The following CDH18 variants were observed in gnomAD, a reference collection of about 807,000 sequenced individuals.
The protein encoded by CDH18 is cadherin-18.
In CDH18, 31 loss-of-function variants were observed where a neutral mutation model predicts 67.9. That is an observed-to-expected ratio of 0.46 (90% CI 0.34 to 0.62). CDH18 has a LOEUF of 0.62. Among genes scored for constraint, CDH18 ranks in the 20% least tolerant of loss-of-function variants. The pLI, the probability that CDH18 is intolerant of heterozygous loss-of-function variation, is 0.01. For synonymous variants in CDH18, 362 were observed against 347.2 expected (o/e 1.04, Z -0.48); for missense variants, 890 against 975.5 (o/e 0.91, Z 1.17).
chr5:20,255,663 T>G (rs1214733247), intron 1 of CDH18, among the ~76,000 whole-genome samples: 2 of 148,398 alleles, frequency 1.3e-5, no homozygotes, highest in Non-Finnish European at 3.0e-5. Flanking sequence ...GAACTGCGAG[T>G]TTTTTTTTTC....
chr5:19,903,687 G>A lies in CDH18; in HGVS notation c.-256-64445C>T, dbSNP rs571074128. 8.8e-5 allele frequency among the ~76,000 whole-genome samples: 12 copies of A among 136,266 alleles called. No individual in the cohort carries two copies. In the South Asian group the frequency reaches 2.7e-3, roughly 31 times the overall value. 89.4% of individuals were successfully genotyped at this position (136,266 alleles called of 152,430 possible). A position where few individuals can be genotyped will look rare whatever the true frequency, so the allele number is the denominator to read the frequency against. On this transcript the variant is annotated intron_variant, in intron 2 of 12. Coordinates refer to ENST00000382275, the MANE Select transcript of CDH18 (RefSeq NM_004934.5). ...TCCTCTGAGCAGCACTTTGCAGCATGTGGATAACACTCAATCGAGCACCTG... is the reference window on the plus strand; with the variant it reads ...TCCTCTGAGCAGCACTTTGCAGCATATGGATAACACTCAATCGAGCACCTG...
At chr5:20,438,742 G>A (rs902085163) in intron 1 of CDH18, among the ~76,000 whole-genome samples, 2 of 151,354 alleles carry the variant, frequency 1.3e-5, no homozygotes, top group African/African-American at 4.9e-5. Flanking sequence ...TATTGCTCTA[G>A]ATTGATTATC....
chr5:20,076,597 T>C (rs1371694548), intron 2 of CDH18, among the ~76,000 whole-genome samples: 2 of 151,832 alleles, frequency 1.3e-5, no homozygotes, highest in African/African-American at 4.8e-5. Context: ...AAATATTGTA[T>C]ATTGTGATTA....
intron 2 of CDH18, among the ~76,000 whole-genome samples, chr5:20,163,098 G>C (rs1288681265): frequency 6.6e-6 from 1 of 151,632 alleles, no homozygotes; most frequent in Non-Finnish European, 1.5e-5. Context: ...GAATTTATCT[G>C]TAGAGCCTTT....
chr5:19,529,988 ATT>A (rs1383917630), intron 9 of CDH18, among the ~76,000 whole-genome samples: 2 of 152,150 alleles, frequency 1.3e-5, no homozygotes, highest in Non-Finnish European at 2.9e-5. Flanking sequence ...AACCCAAACA[ATT>A]TCAAAAAGGA....
At chr5:20,474,647 A>G (rs55783220) in intron 1 of CDH18, among the ~76,000 whole-genome samples, 8,361 of 152,288 alleles carry the variant, frequency 0.055, 758 homozygotes, top group African/African-American at 0.19. Context: ...CTAAAAAGAA[A>G]TAGTGATTGA....
chr5:19,921,659 TA>T (rs1450895929), intron 2 of CDH18, among the ~76,000 whole-genome samples: 2 of 151,988 alleles, frequency 1.3e-5, no homozygotes, highest in Admixed American at 6.5e-5. Flanking sequence ...AATCTCAATA[TA>T]AAAATGAGAC....
intron 2 of CDH18, among the ~76,000 whole-genome samples, chr5:20,060,688 GAAATT>G (rs1742392154): frequency 6.6e-6 from 1 of 151,986 alleles, no homozygotes; most frequent in South Asian, 2.1e-4. Flanking sequence ...TGTTATATTT[GAAATT>G]AAATTGTCCT....
At position 19,725,134 on chromosome 5, in the gene CDH18, G is replaced by A. The variant is rs1180872753; in HGVS notation, c.524-3668C>T. Among the ~76,000 whole-genome samples, 3 of 151,966 alleles carry A rather than the reference G, an allele frequency of 2.0e-5. No homozygotes were observed. In the East Asian group the frequency reaches 5.9e-4, roughly 30 times the overall value. ...GTAGAGACAGGGTTTCACCATGTTA[G>A]CCAGGATAGTCTCGATCTCCTGACC... On this transcript the variant is annotated intron_variant, in intron 4 of 12. Transcript: ENST00000382275.
intron 1 of CDH18, among the ~76,000 whole-genome samples, chr5:20,352,509 G>A (rs1024373175): frequency 1.3e-5 from 2 of 151,676 alleles, no homozygotes; most frequent in African/African-American, 4.8e-5. Context: ...GACAGACACG[G>A]GTGGCTCACG....
intron 2 of CDH18, among the ~76,000 whole-genome samples, chr5:20,060,533 A>G (rs1310565768): frequency 1.3e-5 from 2 of 152,210 alleles, no homozygotes; most frequent in Non-Finnish European, 2.9e-5. Flanking sequence ...GTTTAGTTAC[A>G]CAAATCTACT....
intron 10 of CDH18, among the ~76,000 whole-genome samples, chr5:19,516,888 G>A (rs1432332398): frequency 6.6e-6 from 1 of 151,846 alleles, no homozygotes; most frequent in Non-Finnish European, 1.5e-5. Flanking sequence ...CCTATTGAAG[G>A]ATGTCTTTGT....
At chr5:19,535,135 A>G (rs1424850484) in intron 9 of CDH18, among the ~76,000 whole-genome samples, 1 of 152,166 alleles carries the variant, frequency 6.6e-6, no homozygotes, top group Non-Finnish European at 1.5e-5. Context: ...AGCCAAAGAA[A>G]CTGGGTAACA....
chr5:19,756,854 A>G (rs1469117365), intron 3 of CDH18, among the ~76,000 whole-genome samples: 2 of 152,194 alleles, frequency 1.3e-5, no homozygotes, highest in African/African-American at 2.4e-5. Flanking sequence ...GTGTGTTGCC[A>G]CTTATGCTTC....
intron 5 of CDH18, among the ~76,000 whole-genome samples, chr5:19,677,911 A>T (rs1346109625): frequency 1.3e-5 from 2 of 151,952 alleles, no homozygotes; most frequent in Non-Finnish European, 2.9e-5. Context: ...TGACAAGCAG[A>T]CCTAACTTCT....
intron 5 of CDH18, among the ~76,000 whole-genome samples, chr5:19,660,439 A>G (rs573981023): frequency 2.0e-4 from 31 of 152,280 alleles, no homozygotes; most frequent in African/African-American, 7.2e-4. Flanking sequence ...ATATTTCCCT[A>G]AGGAGAGATT....
chr5:20,125,682 C>T (rs1158561285), intron 2 of CDH18, among the ~76,000 whole-genome samples: 1 of 152,090 alleles, frequency 6.6e-6, no homozygotes, highest in Non-Finnish European at 1.5e-5. Context: ...TTTTATATGA[C>T]TGCATATGAC....
intron 1 of CDH18, among the ~76,000 whole-genome samples, chr5:20,417,933 T>C (rs1297266236): frequency 1.3e-5 from 2 of 152,182 alleles, no homozygotes; most frequent in Non-Finnish European, 2.9e-5. Context: ...ACCTAAGCAC[T>C]TTTCACGTAT....
chr5:20,518,042 C>T (rs1315043146), intron 1 of CDH18, among the ~76,000 whole-genome samples: 2 of 151,884 alleles, frequency 1.3e-5, no homozygotes, highest in Non-Finnish European at 2.9e-5. Flanking sequence ...TATAAGCAAC[C>T]ACAGTAGTTA....
Sources: allele counts gnomAD v4.1 joint callset (sites outside exome capture counted in the v4.1 genomes callset), GRCh38; gene constraint gnomAD v4.1.1; transcripts MANE v1.5; gene names NCBI Gene and HGNC (gene_info 2026-07-23, HGNC 2026-07-21).